The following REV3L variants were observed in gnomAD, a reference collection of about 807,000 sequenced individuals.
REV3L encodes the protein REV3 like, DNA directed polymerase zeta catalytic subunit.
A neutral mutation model predicts 299.4 loss-of-function variants in REV3L; 69 were observed. The ratio of observed to expected loss-of-function variants is 0.23; its 90% CI spans 0.19 to 0.28. The LOEUF (loss-of-function observed/expected upper bound fraction) is 0.28, where lower values mean the gene tolerates loss of function less well. REV3L is among the 10% of genes least tolerant of loss of function. REV3L has a pLI of 1.00. For synonymous variants in REV3L, 1,238 were observed against 1,271.4 expected (o/e 0.97, Z 0.56); for missense variants, 3,128 against 3,693.8 (o/e 0.85, Z 3.97).
chr6:111,321,389 G>GT (rs1774179281), intron 26 of REV3L, among the ~76,000 whole-genome samples: 1 of 152,160 alleles, frequency 6.6e-6, no homozygotes, highest in Admixed American at 6.5e-5. Flanking sequence ...AAATCAGTAA[G>GT]TTAAAGGATT....
chr6:111,392,489 TAATA>T (rs1782036464), intron 5 of REV3L, among the ~76,000 whole-genome samples: 1 of 152,150 alleles, frequency 6.6e-6, no homozygotes, highest in Non-Finnish European at 1.5e-5. Context: ...ATTACTTATT[TAATA>T]TTTATAAATT....
chr6:111,352,370 T>G (rs562862814), intron 18 of REV3L, among the ~76,000 whole-genome samples: 47 of 152,214 alleles, frequency 3.1e-4, no homozygotes, highest in African/African-American at 1.1e-3. Context: ...AAGAGGCTGA[T>G]GGAAATTGGG....
At chr6:111,369,030 A>G (rs1779509857) in intron 13 of REV3L, among the ~76,000 whole-genome samples, 1 of 152,200 alleles carries the variant, frequency 6.6e-6, no homozygotes, top group Non-Finnish European at 1.5e-5. Flanking sequence ...CTGTCCCTGC[A>G]TCCACTCTTG....
intron 1 of REV3L, among the ~76,000 whole-genome samples, chr6:111,458,848 C>G (rs796238151): frequency 2.6e-5 from 4 of 152,018 alleles, no homozygotes; most frequent in African/African-American, 7.2e-5. Flanking sequence ...ATTAAAATGA[C>G]CATACTGCCC....
intron 20 of REV3L, among the ~76,000 whole-genome samples, chr6:111,345,109 T>C (rs1776896814): frequency 6.6e-6 from 1 of 152,172 alleles, no homozygotes; most frequent in Non-Finnish European, 1.5e-5. Context: ...GGAAGGATTA[T>C]AAAATCACTA....
intron 18 of REV3L, among the ~76,000 whole-genome samples, chr6:111,355,964 T>C (rs1001060631): frequency 3.9e-5 from 6 of 152,190 alleles, no homozygotes; most frequent in Admixed American, 2.6e-4. Context: ...CATACTATTT[T>C]TGATGCTCTG....
At chr6:111,477,866 G>A (rs1793125910) in intron 1 of REV3L, among the ~76,000 whole-genome samples, 2 of 152,324 alleles carry the variant, frequency 1.3e-5, no homozygotes, top group South Asian at 4.1e-4. Context: ...CCAAGATTAG[G>A]AGGCTACTGT....
chr6:111,351,560 C>T, intron 19 of REV3L, 116 bp downstream of exon 19: 1 of 602,800 alleles, frequency 1.7e-6, no homozygotes, highest in Non-Finnish European at 2.9e-6. Flanking sequence ...CTAAAACTTA[C>T]ACAACTTAGT....
At chr6:111,341,455 T>C (rs749480433) in intron 21 of REV3L, among the ~76,000 whole-genome samples, 1 of 152,244 alleles carries the variant, frequency 6.6e-6, no homozygotes, top group African/African-American at 2.4e-5. Context: ...GAATATGCGA[T>C]GACATGCTCA....
At chr6:111,377,069 T>C (rs561317197) in intron 12 of REV3L, among the ~76,000 whole-genome samples, 9 of 152,338 alleles carry the variant, frequency 5.9e-5, no homozygotes, top group South Asian at 4.1e-4. Context: ...CTTTACATTA[T>C]CACTTCAAAT....
At position 111,381,254 on chromosome 6, in the gene REV3L, A is replaced by C. The variant is rs574420700; in HGVS notation, c.1216+71T>G. 3.9e-5 allele frequency: 60 copies of C among 1,531,494 alleles called. No homozygotes were observed. The South Asian group carries it at 5.1e-4, about 13-fold the overall frequency. The allele number at this position is 1,531,494 out of a possible 1,614,324, so 94.9% of individuals were successfully genotyped here. A position where few individuals can be genotyped will look rare whatever the true frequency, so the allele number is the denominator to read the frequency against. ...TACCTCTTCAAGTCAATAAAAAAAA[A>C]AATGCCTCTTCACAACACACATTTT... On this transcript the variant is annotated intron_variant, in intron 10 of 31. Coordinates refer to ENST00000368802, the MANE Select transcript of REV3L (RefSeq NM_001372078.1).
In REV3L at chr6:111,373,356, C is replaced by T; in HGVS notation, c.4999G>A (p.Val1667Ile). The stretch of plus-strand genomic sequence containing the variant: ...TGAGGCAAATTCTGATCAGCTGGGA[C>T]AAACTGACTTCCAGAATAAAAGCTA... ...FCSFYSGSQF[V>I]PADQNLPQKF... The change falls in exon 13 of 32, where the codon GTC becomes ATC. Residue 1667 changes from valine to isoleucine, a missense_variant. Physicochemically the swap from Val to Ile is conservative, Grantham distance 29 (BLOSUM62 3). This residue lies in a region of REV3L where 2,409 missense variants were observed against 2,611.8 expected (regional missense o/e 0.92). Coordinates refer to ENST00000368802, the MANE Select transcript of REV3L (RefSeq NM_001372078.1). 6.2e-7 allele frequency: 1 copy of T among 1,613,652 alleles called. No individual in the cohort carries two copies. The highest frequency in any genetic ancestry group is 8.5e-7 in the Non-Finnish European group (1 of 1,179,858).
Position 111,392,563 on chromosome 6 carries a change from A to C in REV3L, c.662+313T>G, listed in dbSNP as rs986127948. The C allele has an allele frequency of 1.4e-4, 24 of 170,228 alleles. No individual in the cohort carries two copies. The East Asian group carries it at 3.4e-3, about 24-fold the overall frequency. The allele number at this position is 170,228 out of a possible 1,614,324, so 10.5% of individuals were successfully genotyped here. ...TAAATTACTATTTTATCATAAATGT[A>C]ATTGTTTTACTTGACAAGTTATAGG... is the stretch of plus-strand genomic sequence containing the variant. On this transcript the variant is annotated intron_variant, in intron 5 of 31. Coordinates refer to ENST00000368802, the MANE Select transcript of REV3L (RefSeq NM_001372078.1).
intron 1 of REV3L, among the ~76,000 whole-genome samples, chr6:111,475,008 C>T (rs1236519549): frequency 1.3e-5 from 2 of 151,856 alleles, no homozygotes; most frequent in Non-Finnish European, 2.9e-5. Context: ...CACACACACA[C>T]ACACACACAC....
At chr6:111,308,382 G>C (rs1463635865) in intron 30 of REV3L, 2 of 351,918 alleles carry the variant, frequency 5.7e-6, no homozygotes, top group African/African-American at 4.3e-5. Flanking sequence ...AGAACACTTA[G>C]TAACATATAG....
Position 111,315,256 on chromosome 6 carries a change from A to G in REV3L, c.8466+11T>C, listed in dbSNP as rs1335163559. 4 of 1,601,670 alleles carry G rather than the reference A, an allele frequency of 2.5e-6. No homozygotes were observed. Among genetic ancestry groups the G allele is most frequent in the Non-Finnish European group, 3.4e-6 (4 of 1,169,582 alleles). ...TTTTATATGTAATTACTAATATTAC[A>G]TTCCTCTTACCTTTTCAAACTTCAA... On this transcript the variant is annotated intron_variant, in intron 27 of 31. Coordinates refer to ENST00000368802, the MANE Select transcript of REV3L (RefSeq NM_001372078.1).
chr6:111,374,461 A>T lies in REV3L; in HGVS notation c.3894T>A (p.Ser1298=), dbSNP rs1348842795. The T allele has an allele frequency of 1.2e-6, 2 of 1,614,054 alleles. No homozygotes were observed. Among genetic ancestry groups the T allele is most frequent in the Non-Finnish European group, 1.7e-6 (2 of 1,179,946 alleles). ...CTACAGACTTCTTGCTTTCTAAGAA[A>T]GAAGAAAAGCAGCCAGATAACTTCT... ...AQQKLSGCFS[S]FLESKKSVDL... The change falls in exon 13 of 32, where the codon TCT becomes TCA. Residue 1298 remains serine, a synonymous_variant. Coordinates refer to ENST00000368802, the MANE Select transcript of REV3L (RefSeq NM_001372078.1).
At chr6:111,360,462 T>C (rs1778534620) in intron 16 of REV3L, among the ~76,000 whole-genome samples, 1 of 149,742 alleles carries the variant, frequency 6.7e-6, no homozygotes, top group Non-Finnish European at 1.5e-5. Flanking sequence ...GTAAATTTGT[T>C]AAATAATCTT....
intron 1 of REV3L, among the ~76,000 whole-genome samples, chr6:111,465,084 T>TG (rs1388034053): frequency 1.6e-5 from 2 of 125,926 alleles, no homozygotes; most frequent in Non-Finnish European, 3.8e-5. Context: ...TATTTTTATT[T>TG]GTTTTTTTTT....
Sources: allele counts gnomAD v4.1 joint callset (sites outside exome capture counted in the v4.1 genomes callset), GRCh38; gene constraint gnomAD v4.1.1; regional missense constraint gnomAD v4.1.1; transcripts MANE v1.5; gene names NCBI Gene and HGNC (gene_info 2026-07-23, HGNC 2026-07-21).